The following SMAD6 variants were observed in gnomAD, a reference collection of about 807,000 sequenced individuals.
The protein encoded by SMAD6 is SMAD family member 6.
Under a neutral mutation model 39.4 loss-of-function variants are expected in SMAD6, and 103 were observed. The observed-to-expected ratio is 2.62, with a 90% confidence interval of 2.23 to 3.08. The LOEUF is 3.08. Among genes scored for constraint, SMAD6 ranks in the 30% most tolerant of loss-of-function variants. The pLI is 0.00. For missense variants in SMAD6, 1,104 were observed against 742.9 expected (o/e 1.49, Z -5.65); for synonymous variants, 445 against 353.3 (o/e 1.26, Z -2.91).
chr15:66,749,714 G>T (rs1893967871), intron 3 of SMAD6, among the ~76,000 whole-genome samples: 1 of 152,192 alleles, frequency 6.6e-6, no homozygotes, highest in African/African-American at 2.4e-5. Flanking sequence ...CACTTCCTGT[G>T]TCCAGTGAGC....
intron 3 of SMAD6, among the ~76,000 whole-genome samples, chr15:66,758,719 C>T (rs1894145869): frequency 7.0e-6 from 1 of 143,374 alleles, no homozygotes; most frequent in Admixed American, 7.4e-5. Context: ...CAGAGTGAGA[C>T]TCTGTCTCCA....
At chr15:66,741,366 C>T (rs902604848) in intron 3 of SMAD6, among the ~76,000 whole-genome samples, 12 of 152,200 alleles carry the variant, frequency 7.9e-5, no homozygotes, top group African/African-American at 2.9e-4. Context: ...GGTGGATTGC[C>T]GAGGGGCTTC....
chr15:66,751,589 C>T (rs1270590033), intron 3 of SMAD6, among the ~76,000 whole-genome samples: 1 of 152,242 alleles, frequency 6.6e-6, no homozygotes, highest in Non-Finnish European at 1.5e-5. Flanking sequence ...ACACTGCTTT[C>T]CTGACGTGGC....
Position 66,703,368 on chromosome 15 carries a change from G to GGAGCTTGGGCAGCC in SMAD6, c.116_129dup (p.Glu44TrpfsTer25). 1 of 1,472,410 alleles carries GGAGCTTGGGCAGCC rather than the reference G, an allele frequency of 6.8e-7. No individual in the cohort carries two copies. The highest frequency in any genetic ancestry group is 9.0e-7 in the Non-Finnish European group (1 of 1,111,760). 91.2% of individuals were successfully genotyped at this position (1,472,410 alleles called of 1,614,324 possible). ...GGCGGCGGTGGCGGCGACGAGGATGGGAGCTTGGGCAGCCGAGCTGAGCCG... is the reference window on the plus strand; with the variant it reads ...GGCGGCGGTGGCGGCGACGAGGATGGGAGCTTGGGCAGCCGAGCTTGGGCAGCCGAGCTGAGCCG... On this transcript the variant is annotated frameshift_variant, in exon 1 of 4. Transcript: ENST00000288840. LOFTEE classifies it high-confidence loss of function.
chr15:66,739,111 G>GAC (rs1281998037), intron 3 of SMAD6, among the ~76,000 whole-genome samples: 1 of 137,246 alleles, frequency 7.3e-6, no homozygotes, highest in African/African-American at 2.8e-5. Flanking sequence ...TTTTTATTGA[G>GAC]ACGGAGTCTT....
chr15:66,745,706 C>A (rs1893895266), intron 3 of SMAD6, among the ~76,000 whole-genome samples: 1 of 152,126 alleles, frequency 6.6e-6, no homozygotes, highest in Non-Finnish European at 1.5e-5. Context: ...GAGTCAGGCT[C>A]CCCCCCAAGC....
chr15:66,726,329 G>T (rs1477504514), intron 3 of SMAD6, among the ~76,000 whole-genome samples: 1 of 152,140 alleles, frequency 6.6e-6, no homozygotes, highest in African/African-American at 2.4e-5. Flanking sequence ...TCCCTCTGAG[G>T]GTTCAAAATA....
intron 3 of SMAD6, among the ~76,000 whole-genome samples, chr15:66,757,819 G>C (rs1470452016): frequency 6.6e-6 from 1 of 152,204 alleles, no homozygotes; most frequent in Non-Finnish European, 1.5e-5. Flanking sequence ...CAGGACAACA[G>C]AGTGGCATGG....
intron 3 of SMAD6, among the ~76,000 whole-genome samples, chr15:66,780,175 G>A (rs529139734): frequency 6.6e-6 from 1 of 152,272 alleles, no homozygotes; most frequent in East Asian, 1.9e-4. Context: ...GGGACCCTCA[G>A]CTCCTCTGCC....
intron 3 of SMAD6, among the ~76,000 whole-genome samples, chr15:66,721,072 G>T (rs138641861): frequency 2.6e-5 from 4 of 152,172 alleles, no homozygotes; most frequent in African/African-American, 4.8e-5. Flanking sequence ...CCTTGAGGGC[G>T]CAGATCATTT....
intron 3 of SMAD6, among the ~76,000 whole-genome samples, chr15:66,726,045 A>T (rs916679972): frequency 2.0e-5 from 3 of 152,072 alleles, no homozygotes; most frequent in Admixed American, 6.5e-5. Flanking sequence ...TCTGCAAACC[A>T]CACATCCACT....
chr15:66,703,165 GC>G lies in SMAD6; in HGVS notation c.-93del, dbSNP rs1893012385. On this transcript the variant is annotated 5_prime_UTR_variant, in exon 1 of 4. The change abolishes the stop of an existing upstream ORF in the 5' untranslated region. Coordinates refer to ENST00000288840, the MANE Select transcript of SMAD6 (RefSeq NM_005585.5). ...GCTCCGCGGCGGAGCTTCATGTGGG[GC>G]TGCGACCCGCGCAGCCGGCGCCTCG... 8.3e-6 allele frequency: 8 copies of G among 964,430 alleles called. No individual in the cohort carries two copies. Among genetic ancestry groups the G allele is most frequent in the Non-Finnish European group, 9.9e-6 (7 of 710,162 alleles). 59.7% of individuals were successfully genotyped at this position (964,430 alleles called of 1,614,324 possible).
At chr15:66,746,258 A>C (rs1436185807) in intron 3 of SMAD6, among the ~76,000 whole-genome samples, 2 of 152,214 alleles carry the variant, frequency 1.3e-5, no homozygotes, top group African/African-American at 4.8e-5. Flanking sequence ...TCCTTTGTGA[A>C]GCGGGAGTTT....
chr15:66,757,788 G>A (rs1051212512), intron 3 of SMAD6, among the ~76,000 whole-genome samples: 3 of 152,222 alleles, frequency 2.0e-5, no homozygotes, highest in Non-Finnish European at 1.5e-5. Context: ...AATGTCCACC[G>A]AGCCGCGAAG....
intron 3 of SMAD6, among the ~76,000 whole-genome samples, chr15:66,729,416 A>G (rs923542057): frequency 3.3e-5 from 5 of 152,204 alleles, no homozygotes; most frequent in Non-Finnish European, 7.3e-5. Flanking sequence ...TAGCCAAAAC[A>G]TTACATTCCT....
rs753110746 is a variant in SMAD6, at chr15:66,781,054, G to A, written c.1010G>A (p.Trp337Ter). The change falls in exon 4 of 4, where the codon TGG becomes TAG. Residue 337 changes from tryptophan to a stop codon, truncating the protein, a stop_gained. Coordinates refer to ENST00000288840, the MANE Select transcript of SMAD6 (RefSeq NM_005585.5). LOFTEE classifies it high-confidence loss of function. ...KPSHWCSVAYWEHRTRVGRLY... is the reference protein window; with the variant it reads ...KPSHWCSVAY ...AGCCACTGGTGCAGCGTGGCGTACT[G>A]GGAGCACCGGACGCGCGTGGGCCGC... 2 of 1,602,900 alleles carry A rather than the reference G, an allele frequency of 1.2e-6. No individual in the cohort carries two copies. The highest frequency in any genetic ancestry group is 1.1e-5 in the South Asian group (1 of 90,290).
chr15:66,772,444 C>T (rs747428851), intron 3 of SMAD6, among the ~76,000 whole-genome samples: 16 of 152,184 alleles, frequency 1.1e-4, no homozygotes, highest in Non-Finnish European at 5.9e-5. Context: ...CCCCTTGATT[C>T]TCAACTCCAC....
chr15:66,707,567 C>G (rs1285608368), intron 1 of SMAD6: 2 of 152,302 alleles, frequency 1.3e-5, no homozygotes, highest in East Asian at 3.9e-4. Flanking sequence ...CCTCCTAGCT[C>G]CTCCTGGAGG....
chr15:66,717,920 TTC>T (rs1226470624), intron 3 of SMAD6, among the ~76,000 whole-genome samples: 2 of 152,188 alleles, frequency 1.3e-5, no homozygotes, highest in African/African-American at 4.8e-5. Flanking sequence ...TTTCAATCCT[TTC>T]TTTTTTCCTC....
Sources: allele counts gnomAD v4.1 joint callset (sites outside exome capture counted in the v4.1 genomes callset), GRCh38; gene constraint gnomAD v4.1.1; transcripts MANE v1.5; gene names NCBI Gene and HGNC (gene_info 2026-07-23, HGNC 2026-07-21).